The following KHDRBS2 variants were observed in gnomAD, a reference collection of about 807,000 sequenced individuals.
The protein encoded by KHDRBS2 is KH domain-containing, RNA-binding, signal transduction-associated protein 2.
Under a neutral mutation model 44.3 loss-of-function variants are expected in KHDRBS2, and 26 were observed. That is an observed-to-expected ratio of 0.59 (90% CI 0.43 to 0.81). The LOEUF (loss-of-function observed/expected upper bound fraction) is 0.81, where lower values mean the gene tolerates loss of function less well. Among genes scored for constraint, KHDRBS2 ranks in the 40% least tolerant of loss-of-function variants. KHDRBS2 has a pLI of 0.00. For missense variants in KHDRBS2, 476 were observed against 433.1 expected, an observed-to-expected ratio of 1.10 and a Z score of -0.88; for synonymous variants, 194 against 151.1, an observed-to-expected ratio of 1.28 and a Z score of -2.08.
At position 62,036,498 on chromosome 6, in the gene KHDRBS2, C is replaced by T. The variant is rs554680789; in HGVS notation, c.336+11380G>A. ...GTACACCAGACTCCCATAACACACA[C>T]GATTTACCCATGTAGCAAACCTGCA... On this transcript the variant is annotated intron_variant, in intron 3 of 8. Transcript: ENST00000281156. Among the ~76,000 whole-genome samples the T allele has an allele frequency of 1.8e-4, 27 of 152,004 alleles. No homozygotes were observed. The South Asian group carries it at 4.1e-3, about 23-fold the overall frequency.
the KHDRBS2 span, among the ~76,000 whole-genome samples, chr6:61,638,193 C>T: frequency 6.6e-6 from 1 of 152,046 alleles, no homozygotes; most frequent in African/African-American, 2.4e-5. Context: ...GAGCCCGCAT[C>T]ACCAAGTCAA....
intron 1 of KHDRBS2, among the ~76,000 whole-genome samples, chr6:62,249,580 G>C (rs190222598): frequency 5.9e-5 from 9 of 152,006 alleles, no homozygotes; most frequent in Admixed American, 1.3e-4. Flanking sequence ...TAAATATTAA[G>C]TAACTTAGGA....
intron 1 of KHDRBS2, among the ~76,000 whole-genome samples, chr6:62,195,232 A>G (rs1178941323): frequency 6.6e-6 from 1 of 152,156 alleles, no homozygotes; most frequent in Non-Finnish European, 1.5e-5. Flanking sequence ...CCTTTTGTTG[A>G]TGTATAGAAA....
chr6:62,010,610 C>A (rs1460457459), intron 3 of KHDRBS2, among the ~76,000 whole-genome samples: 9 of 152,088 alleles, frequency 5.9e-5, no homozygotes, highest in Admixed American at 1.3e-4. Context: ...TGGGAGATGA[C>A]TGAATTATGG....
At chr6:62,279,815 A>G (rs1762951717) in intron 1 of KHDRBS2, among the ~76,000 whole-genome samples, 1 of 152,208 alleles carries the variant, frequency 6.6e-6, no homozygotes, top group Admixed American at 6.5e-5. Context: ...AGCAAGTGTT[A>G]TTCACATGCG....
intron 1 of KHDRBS2, among the ~76,000 whole-genome samples, chr6:62,201,521 C>T (rs1011764076): frequency 6.6e-6 from 1 of 151,968 alleles, no homozygotes; most frequent in Non-Finnish European, 1.5e-5. Flanking sequence ...AGAAAATACA[C>T]GCTTCTAACA....
At chr6:61,609,081 C>T in the KHDRBS2 span, among the ~76,000 whole-genome samples, 1 of 152,086 alleles carries the variant, frequency 6.6e-6, no homozygotes, top group Middle Eastern at 3.2e-3. Flanking sequence ...CCTATTTCTC[C>T]ACATCCTCTC....
chr6:61,983,481 G>A (rs1438742932), intron 3 of KHDRBS2, among the ~76,000 whole-genome samples: 8 of 151,878 alleles, frequency 5.3e-5, no homozygotes, highest in Admixed American at 5.3e-4. Flanking sequence ...AAGTAACAAA[G>A]GTCACTTCTG....
chr6:62,140,814 T>C (rs902166104), intron 2 of KHDRBS2, among the ~76,000 whole-genome samples: 4 of 152,078 alleles, frequency 2.6e-5, no homozygotes, highest in Non-Finnish European at 5.9e-5. Context: ...GAGAAATTGG[T>C]GAATGCACTG....
chr6:62,226,071 T>C (rs1831753874), intron 1 of KHDRBS2, among the ~76,000 whole-genome samples: 1 of 152,148 alleles, frequency 6.6e-6, no homozygotes, highest in African/African-American at 2.4e-5. Flanking sequence ...GATGGCTGGG[T>C]CAAATGGTAC....
the KHDRBS2 span, among the ~76,000 whole-genome samples, chr6:61,590,143 G>T: frequency 0.011 from 1,665 of 152,188 alleles, 18 homozygotes; most frequent in Middle Eastern, 0.085. Context: ...TGCATTCCTG[G>T]ATTAGTCATT....
rs150962922 is a variant in KHDRBS2, at chr6:62,259,869, A to C, written c.91+25989T>G. 2.5e-3 allele frequency among the ~76,000 whole-genome samples: 386 copies of C among 152,166 alleles called. 3 individuals carry two copies. The highest frequency in any genetic ancestry group is 8.5e-3 in the African/African-American group (353 of 41,538). ...ATTAGTTTTTAAAAATGTGTTTTTA[A>C]CTGTACTCTGATATGGAAAATATGT... On this transcript the variant is annotated intron_variant, in intron 1 of 8. Coordinates refer to ENST00000281156, the MANE Select transcript of KHDRBS2 (RefSeq NM_152688.4).
intron 3 of KHDRBS2, among the ~76,000 whole-genome samples, chr6:62,014,634 A>G (rs889348756): frequency 1.2e-4 from 19 of 152,180 alleles, no homozygotes; most frequent in Non-Finnish European, 2.1e-4. Flanking sequence ...TTTAAGCAAC[A>G]TGAAATCCAA....
intron 3 of KHDRBS2, among the ~76,000 whole-genome samples, chr6:61,999,059 G>A (rs1777743662): frequency 6.6e-6 from 1 of 151,968 alleles, no homozygotes; most frequent in Non-Finnish European, 1.5e-5. Flanking sequence ...CTTACAAGCT[G>A]ACTAAAATTC....
intron 2 of KHDRBS2, among the ~76,000 whole-genome samples, chr6:62,158,255 A>G (rs1268993668): frequency 6.6e-6 from 1 of 152,224 alleles, no homozygotes; most frequent in Non-Finnish European, 1.5e-5. Context: ...CTGTCATTAA[A>G]TGAAAAAACA....
At chr6:61,569,351 T>C in the KHDRBS2 span, among the ~76,000 whole-genome samples, 2 of 152,136 alleles carry the variant, frequency 1.3e-5, no homozygotes, top group African/African-American at 4.8e-5. Context: ...AGGGGCTTTA[T>C]GGCCCTGCCC....
At chr6:62,279,478 T>A (rs1184312476) in intron 1 of KHDRBS2, among the ~76,000 whole-genome samples, 1 of 152,144 alleles carries the variant, frequency 6.6e-6, no homozygotes, top group African/African-American at 2.4e-5. Context: ...CTTCTACATA[T>A]AAGACTGAAG....
intron 2 of KHDRBS2, among the ~76,000 whole-genome samples, chr6:62,081,597 C>G (rs1562812606): frequency 6.6e-6 from 1 of 151,968 alleles, no homozygotes; most frequent in Non-Finnish European, 1.5e-5. Context: ...TAAAGCAGAT[C>G]AAGGAAAGGA....
At chr6:62,257,263 A>G (rs1837535187) in intron 1 of KHDRBS2, among the ~76,000 whole-genome samples, 1 of 152,074 alleles carries the variant, frequency 6.6e-6, no homozygotes, top group South Asian at 2.1e-4. Flanking sequence ...TGTCATCCCT[A>G]TCATCAACTC....
Sources: allele counts gnomAD v4.1 joint callset (sites outside exome capture counted in the v4.1 genomes callset), GRCh38; gene constraint gnomAD v4.1.1; transcripts MANE v1.5; gene names NCBI Gene and HGNC (gene_info 2026-07-23, HGNC 2026-07-21).